Variants in PKD1L3 observed in about 807,000 individuals in gnomAD.
PKD1L3 encodes polycystin-1-like protein 3.
In PKD1L3, 239 loss-of-function variants were observed where a neutral mutation model predicts 184.1. The observed-to-expected ratio is 1.30, with a 90% confidence interval of 1.17 to 1.45. PKD1L3 has a LOEUF of 1.45. PKD1L3 is among the 40% of genes most tolerant of loss of function. PKD1L3 has a pLI of 0.00. For missense variants in PKD1L3, 2,660 were observed against 2,067.2 expected (o/e 1.29, Z -5.56); for synonymous variants, 996 against 778.8 (o/e 1.28, Z -4.64).
At chr16:71,976,440 A>G (rs1386432657) in intron 11 of PKD1L3, among the ~76,000 whole-genome samples, 10 of 150,784 alleles carry the variant, frequency 6.6e-5, no homozygotes, top group Non-Finnish European at 1.0e-4. Flanking sequence ...TATTTTTAGC[A>G]GAGATGGGGT....
At chr16:71,942,123 T>G (rs1274410191) in intron 24 of PKD1L3, among the ~76,000 whole-genome samples, 1 of 151,688 alleles carries the variant, frequency 6.6e-6, no homozygotes, top group Non-Finnish European at 1.5e-5. Flanking sequence ...AAGACCAGCC[T>G]GGCAAACATG....
chr16:71,985,536 A>T (rs2040324494), intron 5 of PKD1L3, among the ~76,000 whole-genome samples: 5 of 151,920 alleles, frequency 3.3e-5, no homozygotes, highest in Admixed American at 3.3e-4. Flanking sequence ...CTCCCACCTC[A>T]GCCCCTGCCC....
rs377061134 is a variant in PKD1L3, at chr16:71,966,289, T to C, written c.2465+848A>G. On this transcript the variant is annotated intron_variant, in intron 15 of 29. Coordinates refer to ENST00000620267, the MANE Select transcript of PKD1L3 (RefSeq NM_181536.2). The stretch of plus-strand genomic sequence containing the variant: ...CTCTAGCACCTCTCCTAATTCTGGG[T>C]GCTGCTCAAGGAAGATACTGAATCA... Among the ~76,000 whole-genome samples, 17 of 152,272 alleles carry C rather than the reference T, an allele frequency of 1.1e-4. No individual in the cohort carries two copies. The South Asian group carries it at 3.5e-3, about 32-fold the overall frequency.
intron 24 of PKD1L3, 34 bp from the exon 25 acceptor site, chr16:71,937,453 T>G (rs2038219764): frequency 6.5e-7 from 1 of 1,540,766 alleles, no homozygotes; most frequent in Non-Finnish European, 8.7e-7. Flanking sequence ...GAGTCAAGAG[T>G]CTAAAACTTT....
At chr16:71,959,079 C>T (rs1388052398) in intron 16 of PKD1L3, among the ~76,000 whole-genome samples, 1 of 110,226 alleles carries the variant, frequency 9.1e-6, no homozygotes, top group Non-Finnish European at 1.9e-5. Flanking sequence ...GCAAGACTCC[C>T]GTCTCAAAAA....
intron 16 of PKD1L3, among the ~76,000 whole-genome samples, chr16:71,960,505 C>A (rs1423112861): frequency 6.6e-6 from 1 of 151,096 alleles, no homozygotes. Context: ...ATTTAAGATA[C>A]AAAGTGTCAA....
In PKD1L3 at chr16:71,953,011, TA is replaced by T; in HGVS notation, c.2891del (p.Ile964LysfsTer7). 6.5e-7 allele frequency: 1 copy of T among 1,548,838 alleles called. No homozygotes were observed. The highest frequency in any genetic ancestry group is 8.7e-7 in the Non-Finnish European group (1 of 1,145,878). ...AVILFPINLVIGRLFPLIEPQ... is the reference protein window; with the variant it reads ...AVILFPINLVXGRLFPLIEPQ... ...GCTCAATCAACGGGAAGAGCCGCCCTATGACAAGATTGATTGGGAAGAGGAT... is the reference window on the plus strand; with the variant it reads ...GCTCAATCAACGGGAAGAGCCGCCCTTGACAAGATTGATTGGGAAGAGGAT... On this transcript the variant is annotated frameshift_variant, in exon 18 of 30. Coordinates refer to ENST00000620267, the MANE Select transcript of PKD1L3 (RefSeq NM_181536.2). LOFTEE classifies it high-confidence loss of function.
At chr16:71,938,073 C>T (rs1379446671) in intron 24 of PKD1L3, among the ~76,000 whole-genome samples, 1 of 152,166 alleles carries the variant, frequency 6.6e-6, no homozygotes, top group Non-Finnish European at 1.5e-5. Context: ...GCCCCACACT[C>T]CTGGGCAGAG....
chr16:71,974,492 C>T lies in PKD1L3; in HGVS notation c.1760-975G>A, dbSNP rs1389531635. ...CCCAGGAGTTTGAGACCTAGCTTGG[C>T]GAACATGGCAAAACCCTGTCTCTAC... is the stretch of plus-strand genomic sequence containing the variant. On this transcript the variant is annotated intron_variant, in intron 11 of 29. Transcript: ENST00000620267. 4.6e-5 allele frequency among the ~76,000 whole-genome samples: 7 copies of T among 152,060 alleles called. No homozygotes were observed. In the South Asian group the frequency reaches 1.0e-3, roughly 22 times the overall value.
At chr16:71,963,147 C>A in intron 16 of PKD1L3, 58 bp downstream of exon 16, 2 of 1,429,828 alleles carry the variant, frequency 1.4e-6, no homozygotes, top group Non-Finnish European at 9.3e-7. Context: ...CAATCGTGAA[C>A]AATTCAATTA....
chr16:71,944,706 T>TG (rs1301238890), intron 22 of PKD1L3, among the ~76,000 whole-genome samples: 22 of 77,386 alleles, frequency 2.8e-4, no homozygotes, highest in Admixed American at 1.6e-3. Flanking sequence ...TTTTTGTTTG[T>TG]TTTTTTTTTT....
Position 71,977,372 on chromosome 16 carries a change from C to T in PKD1L3, c.1623G>A (p.Leu541=), listed in dbSNP as rs747223456. 6.4e-7 allele frequency: 1 copy of T among 1,551,022 alleles called. No homozygotes were observed. The highest frequency in any genetic ancestry group is 1.2e-5 in the South Asian group (1 of 84,032). ...CTATGCTCACTATCAAGGATTTCTC[C>T]AAGGAAGTGACGTTCACTGTGATTG... is the stretch of plus-strand genomic sequence containing the variant. ...QLTITVNVTS[L]EKSLIVSIDP... is the part of the protein sequence containing the mutation. Residue 541 remains leucine, a synonymous_variant, in exon 11 of 30, where the codon TTG becomes TTA. Coordinates refer to ENST00000620267, the MANE Select transcript of PKD1L3 (RefSeq NM_181536.2).
At chr16:71,959,823 A>G (rs959436868) in intron 16 of PKD1L3, among the ~76,000 whole-genome samples, 2 of 152,172 alleles carry the variant, frequency 1.3e-5, no homozygotes, top group Admixed American at 1.3e-4. Context: ...CAAAGATTAA[A>G]AATACAAGAA....
chr16:71,969,956 C>G lies in PKD1L3; in HGVS notation c.2103G>C (p.Val701=). ...FLRVTNNPVG[V]SLLASLLGFY... ...ATCCTAAAAGGCTGGCCAGCAGTGA[C>G]ACCCCAACAGGATTGTTGGTCACGC... is the stretch of plus-strand genomic sequence containing the variant. Residue 701 remains valine (V), a synonymous_variant, in exon 13 of 30, where the codon GTG becomes GTC. Transcript: ENST00000620267. 6.4e-7 allele frequency: 1 copy of G among 1,551,882 alleles called. No individual in the cohort carries two copies. Among genetic ancestry groups the G allele is most frequent in the Non-Finnish European group, 8.7e-7 (1 of 1,147,038 alleles).
chr16:71,994,127 C>T (rs1484396873), intron 2 of PKD1L3, among the ~76,000 whole-genome samples: 1 of 152,142 alleles, frequency 6.6e-6, no homozygotes, highest in African/African-American at 2.4e-5. Context: ...TTCTCACACA[C>T]ACAATTGGAC....
At chr16:71,952,813 G>A (rs1288883930) in intron 18 of PKD1L3, 81 bp downstream of exon 18, 4 of 1,420,156 alleles carry the variant, frequency 2.8e-6, no homozygotes, top group Non-Finnish European at 2.8e-6. Context: ...ACTCCAGTCT[G>A]TGCAACAGAG....
rs779816797 is a variant in PKD1L3 at position 71,933,535 on chromosome 16, GA to G, written c.4825-15del. 59 of 1,527,926 alleles carry G rather than the reference GA, an allele frequency of 3.9e-5. No homozygotes were observed. In the African/African-American group the frequency reaches 7.4e-4, roughly 19 times the overall value. 94.6% of individuals were successfully genotyped at this position (1,527,926 alleles called of 1,614,324 possible). On this transcript the variant is annotated splice_polypyrimidine_tract_variant and intron_variant, in intron 27 of 29. Transcript: ENST00000620267. ...CAGCAGGTTAAACTGAACAGAAGGA[GA>G]AAGGCCAGTTAGTGCAAGCCGAGCG...
intron 23 of PKD1L3, 88 bp from the exon 24 acceptor site, chr16:71,943,112 C>T: frequency 9.1e-7 from 1 of 1,099,794 alleles, no homozygotes; most frequent in Non-Finnish European, 1.3e-6. Context: ...AGTCTATAGA[C>T]TTATGCAGGT....
chr16:72,000,136 C>A lies in PKD1L3; in HGVS notation c.-158G>T, dbSNP rs553946693. On this transcript the variant is annotated 5_prime_UTR_variant, in exon 1 of 30. Coordinates refer to ENST00000620267, the MANE Select transcript of PKD1L3 (RefSeq NM_181536.2). ...AGGTTTTGTTTTGAGGACCCAGGTG[C>A]AGGTCCTACAAGCTGAAAACAAATA... 7.3e-5 allele frequency among the ~76,000 whole-genome samples: 11 copies of A among 150,772 alleles called. No individual in the cohort carries two copies. Among genetic ancestry groups the A allele is most frequent in the African/African-American group, 2.7e-4 (11 of 40,148 alleles).
Sources: gnomAD v4.1 joint callset for allele counts (sites outside exome capture counted in the v4.1 genomes callset) on GRCh38, gnomAD v4.1.1 for gene constraint, MANE v1.5 for transcripts, NCBI Gene and HGNC (gene_info 2026-07-23, HGNC 2026-07-21) for gene names.